Variants in OPCML observed in about 807,000 individuals in gnomAD.
OPCML encodes opioid binding protein/cell adhesion molecule like, also known as opioid-binding protein/cell adhesion molecule.
Under a neutral mutation model 37.8 loss-of-function variants are expected in OPCML, and 13 were observed. The observed-to-expected ratio is 0.34, with a 90% CI of 0.22 to 0.55. OPCML has a LOEUF of 0.55. Among genes scored for constraint, OPCML ranks in the 20% least tolerant of loss-of-function variants. The pLI, the probability that OPCML is intolerant of heterozygous loss-of-function variation, is 0.91. For missense variants in OPCML, 341 were observed against 435.6 expected (o/e 0.78, Z 1.93); for synonymous variants, 176 against 168.8 (o/e 1.04, Z -0.33).
At chr11:132,688,233 C>T (rs1016153475) in intron 2 of OPCML, among the ~76,000 whole-genome samples, 1 of 152,084 alleles carries the variant, frequency 6.6e-6, no homozygotes, top group African/African-American at 2.4e-5. Context: ...CCACATTCCC[C>T]TGTGTAGTCA....
chr11:133,423,566 G>A (rs1315703271), intron 1 of OPCML: 1 of 828,038 alleles, frequency 1.2e-6, no homozygotes, highest in Non-Finnish European at 1.5e-6. Context: ...CCTTGGAAAA[G>A]CAGATCTGTG....
intron 2 of OPCML, among the ~76,000 whole-genome samples, chr11:132,929,679 A>C (rs1362681874): frequency 6.6e-6 from 1 of 152,228 alleles, no homozygotes; most frequent in Non-Finnish European, 1.5e-5. Context: ...AAATGTCAGC[A>C]AAGTGAATTC....
In OPCML at chr11:132,503,133, A is replaced by G. The variant is rs117559021; in HGVS notation, c.505+25928T>C. 7.0e-4 allele frequency among the ~76,000 whole-genome samples: 107 copies of G among 152,340 alleles called. 1 individual carries two copies. The East Asian group carries it at 0.02, about 28-fold the overall frequency. On this transcript the variant is annotated intron_variant, in intron 4 of 7. Coordinates refer to ENST00000524381, the MANE Select transcript of OPCML (RefSeq NM_001012393.5). ...CACTACGCTTGGGATATAGGCACTA[A>G]GGAAACTGGTTGATTACAAAGGCAA...
chr11:132,581,222 A>G (rs578100857), intron 3 of OPCML, among the ~76,000 whole-genome samples: 1 of 152,190 alleles, frequency 6.6e-6, no homozygotes, highest in South Asian at 2.1e-4. Context: ...TCCCAGTTAC[A>G]TGGGTTATAG....
chr11:133,080,464 G>T (rs527646), intron 1 of OPCML, among the ~76,000 whole-genome samples: 64,925 of 148,538 alleles, frequency 0.44, 14,629 homozygotes, highest in African/African-American at 0.54. Flanking sequence ...TCCCACTTTG[G>T]TAATCAAATG....
chr11:132,556,513 T>C (rs2096396001), intron 3 of OPCML, among the ~76,000 whole-genome samples: 1 of 152,136 alleles, frequency 6.6e-6, no homozygotes, highest in Non-Finnish European at 1.5e-5. Flanking sequence ...GAAGACACTT[T>C]CCAAAGGTCA....
intron 1 of OPCML, among the ~76,000 whole-genome samples, chr11:133,390,441 T>C (rs934805888): frequency 2.6e-5 from 4 of 151,786 alleles, no homozygotes; most frequent in East Asian, 1.9e-4. Context: ...CCAGCCCGGG[T>C]GACAGAACAA....
chr11:132,957,986 C>A (rs1308076802), intron 1 of OPCML, among the ~76,000 whole-genome samples: 1 of 152,154 alleles, frequency 6.6e-6, no homozygotes, highest in Admixed American at 6.5e-5. Context: ...AAGAGTTGCA[C>A]ATTCCTCGCT....
chr11:132,459,894 C>T (rs1313067084), intron 4 of OPCML, among the ~76,000 whole-genome samples: 2 of 152,184 alleles, frequency 1.3e-5, no homozygotes, highest in African/African-American at 4.8e-5. Context: ...GCAACAAATG[C>T]TGTCAGTGGT....
At chr11:133,153,447 T>C (rs573097296) in intron 1 of OPCML, among the ~76,000 whole-genome samples, 1 of 152,250 alleles carries the variant, frequency 6.6e-6, no homozygotes, top group South Asian at 2.1e-4. Context: ...ACTGCAGTGG[T>C]CCACGGGAGG....
At chr11:132,996,633 A>T (rs1262433547) in intron 1 of OPCML, among the ~76,000 whole-genome samples, 1 of 151,750 alleles carries the variant, frequency 6.6e-6, no homozygotes, top group Non-Finnish European at 1.5e-5. Context: ...AAAAAAAAAA[A>T]AAATACTTGA....
chr11:133,037,745 T>A (rs1947808042), intron 1 of OPCML, among the ~76,000 whole-genome samples: 2 of 152,214 alleles, frequency 1.3e-5, no homozygotes, highest in Non-Finnish European at 2.9e-5. Flanking sequence ...AATTAGCACT[T>A]ACCTTCAAAG....
chr11:132,857,100 C>T (rs946916178), intron 2 of OPCML, among the ~76,000 whole-genome samples: 2 of 152,130 alleles, frequency 1.3e-5, no homozygotes, highest in Non-Finnish European at 2.9e-5. Context: ...ACATTCACAC[C>T]AGCAATGAAT....
chr11:133,373,873 A>T (rs1350147802), intron 1 of OPCML, among the ~76,000 whole-genome samples: 1 of 152,174 alleles, frequency 6.6e-6, no homozygotes, highest in African/African-American at 2.4e-5. Flanking sequence ...TTTCCATCAT[A>T]TGCATGTATC....
intron 1 of OPCML, among the ~76,000 whole-genome samples, chr11:133,226,736 G>A (rs1195928630): frequency 2.0e-5 from 3 of 152,104 alleles, no homozygotes; most frequent in African/African-American, 7.2e-5. Flanking sequence ...AGCTTCAGAG[G>A]GCACAAAAGC....
At chr11:132,969,484 T>A (rs1946291438) in intron 1 of OPCML, among the ~76,000 whole-genome samples, 2 of 152,250 alleles carry the variant, frequency 1.3e-5, no homozygotes, top group Middle Eastern at 3.4e-3. Flanking sequence ...GTTTTTGAAA[T>A]TCTCAACTTT....
intron 2 of OPCML, among the ~76,000 whole-genome samples, chr11:132,802,145 G>A (rs79829593): frequency 0.048 from 7,225 of 152,052 alleles, 342 homozygotes; most frequent in Admixed American, 0.067. Flanking sequence ...CTGTTACCTC[G>A]AATAAGTTCT....
At chr11:132,981,451 GT>G (rs1946581648) in intron 1 of OPCML, among the ~76,000 whole-genome samples, 1 of 152,160 alleles carries the variant, frequency 6.6e-6, no homozygotes, top group East Asian at 1.9e-4. Flanking sequence ...CTGAGAGGAG[GT>G]TTTGGGAGAA....
At chr11:133,141,623 T>G (rs2137168331) in intron 1 of OPCML, among the ~76,000 whole-genome samples, 1 of 152,262 alleles carries the variant, frequency 6.6e-6, no homozygotes, top group East Asian at 1.9e-4. Context: ...TCCTGCCTCC[T>G]GGGACCTTCA....
Sources: gnomAD v4.1 joint callset for allele counts (sites outside exome capture counted in the v4.1 genomes callset) on GRCh38, gnomAD v4.1.1 for gene constraint, MANE v1.5 for transcripts, NCBI Gene and HGNC (gene_info 2026-07-23, HGNC 2026-07-21) for gene names.